The following OPCML variants were observed in gnomAD, a reference collection of about 807,000 sequenced individuals.
OPCML encodes opioid binding protein/cell adhesion molecule like, also known as opioid-binding protein/cell adhesion molecule.
OPCML carries 13 observed loss-of-function variants against 37.8 expected under a neutral mutation model. That is an observed-to-expected ratio of 0.34 (90% confidence interval 0.22 to 0.55). The LOEUF (loss-of-function observed/expected upper bound fraction) is 0.55. Ranked by LOEUF, OPCML falls within the 20% of genes least tolerant of loss-of-function variation. The pLI is 0.91. For synonymous variants in OPCML, 176 were observed against 168.8 expected, an observed-to-expected ratio of 1.04 and a Z score of -0.33; for missense variants, 341 against 435.6, an observed-to-expected ratio of 0.78 and a Z score of 1.93.
chr11:132,961,112 T>C (rs1013104513), intron 1 of OPCML, among the ~76,000 whole-genome samples: 4 of 152,142 alleles, frequency 2.6e-5, no homozygotes, highest in Non-Finnish European at 4.4e-5. Context: ...CTCATCGTAA[T>C]TAACGGAAAA....
rs549461060 is a variant in OPCML, at chr11:133,033,528, T to C, written c.62-90518A>G. Among the ~76,000 whole-genome samples the C allele has an allele frequency of 2.7e-4, 41 of 152,372 alleles. No homozygotes were observed. The South Asian group carries it at 8.3e-3, about 31-fold the overall frequency. On this transcript the variant is annotated intron_variant, in intron 1 of 7. Coordinates refer to ENST00000524381, the MANE Select transcript of OPCML (RefSeq NM_001012393.5). ...GTAGCTATTAGAAGAAAATTGTATATAAATAGCTTCTCATTTGCAACTTCC... is the reference window on the plus strand; with the variant it reads ...GTAGCTATTAGAAGAAAATTGTATACAAATAGCTTCTCATTTGCAACTTCC...
At chr11:132,621,799 C>G (rs1057295909) in intron 3 of OPCML, among the ~76,000 whole-genome samples, 2 of 152,016 alleles carry the variant, frequency 1.3e-5, no homozygotes, top group Admixed American at 6.6e-5. Flanking sequence ...CCAAACTGCT[C>G]TCTTCCTGAG....
At chr11:132,720,018 G>A (rs1352092536) in intron 2 of OPCML, among the ~76,000 whole-genome samples, 1 of 152,228 alleles carries the variant, frequency 6.6e-6, no homozygotes, top group African/African-American at 2.4e-5. Flanking sequence ...CAGAGAGAAG[G>A]CATAATCATG....
intron 4 of OPCML, among the ~76,000 whole-genome samples, chr11:132,477,311 C>A (rs1398764914): frequency 6.6e-6 from 1 of 152,190 alleles, no homozygotes; most frequent in Admixed American, 6.5e-5. Context: ...TCCAGAAGTA[C>A]ACAGGGATTA....
At chr11:133,025,567 ATTTCT>A (rs1298748571) in intron 1 of OPCML, 3 of 609,046 alleles carry the variant, frequency 4.9e-6, no homozygotes, top group African/African-American at 2.0e-5. Context: ...TCGTTTGGGT[ATTTCT>A]TTTCTTATTA....
chr11:132,970,958 T>C (rs1048445357), intron 1 of OPCML, among the ~76,000 whole-genome samples: 2 of 152,220 alleles, frequency 1.3e-5, no homozygotes, highest in African/African-American at 2.4e-5. Context: ...GTGCATTGTT[T>C]TCCTGGTGTT....
chr11:132,618,108 GT>G (rs1414059944), intron 3 of OPCML, among the ~76,000 whole-genome samples: 8 of 152,198 alleles, frequency 5.3e-5, no homozygotes. Context: ...AGGAATAAAA[GT>G]TGATGGAAGT....
At chr11:132,579,106 G>C (rs142766182) in intron 3 of OPCML, among the ~76,000 whole-genome samples, 12 of 152,100 alleles carry the variant, frequency 7.9e-5, no homozygotes, top group Admixed American at 5.9e-4. Flanking sequence ...TGATCAACTG[G>C]GGGGAGGCCT....
chr11:132,781,455 G>T (rs1459791911), intron 2 of OPCML, among the ~76,000 whole-genome samples: 1 of 151,996 alleles, frequency 6.6e-6, no homozygotes, highest in Non-Finnish European at 1.5e-5. Context: ...CTTCAGACTG[G>T]AATCTAAACC....
At chr11:132,833,902 G>A (rs979711684) in intron 2 of OPCML, among the ~76,000 whole-genome samples, 4 of 152,174 alleles carry the variant, frequency 2.6e-5, no homozygotes, top group Admixed American at 1.3e-4. Context: ...AGTTTAATCA[G>A]AAAGAGAAAT....
At chr11:133,114,872 G>T (rs971140378) in intron 1 of OPCML, among the ~76,000 whole-genome samples, 1 of 152,094 alleles carries the variant, frequency 6.6e-6, no homozygotes, top group African/African-American at 2.4e-5. Flanking sequence ...TACCGAGAAA[G>T]AATATTTTAG....
intron 1 of OPCML, chr11:133,003,718 T>C: frequency 1.0e-6 from 1 of 985,412 alleles, no homozygotes; most frequent in Non-Finnish European, 1.2e-6. Context: ...AAGTCCCTAC[T>C]TCTTGAATAT....
chr11:132,688,903 T>C (rs1459205337), intron 2 of OPCML, among the ~76,000 whole-genome samples: 1 of 31,098 alleles, frequency 3.2e-5, no homozygotes. Context: ...TGAGCCGAGA[T>C]TGCGCCACTG....
intron 1 of OPCML, among the ~76,000 whole-genome samples, chr11:133,353,382 A>G (rs2136696998): frequency 6.6e-6 from 1 of 151,572 alleles, no homozygotes; most frequent in Admixed American, 6.6e-5. Flanking sequence ...CTGGTCTTAA[A>G]CTCCTGACCT....
chr11:132,958,770 G>A (rs1320796018), intron 1 of OPCML, among the ~76,000 whole-genome samples: 3 of 152,140 alleles, frequency 2.0e-5, no homozygotes, highest in African/African-American at 7.2e-5. Context: ...TTACAGCAGG[G>A]TTTACTGAAT....
At chr11:132,679,709 A>G (rs975317515) in intron 2 of OPCML, among the ~76,000 whole-genome samples, 29 of 152,226 alleles carry the variant, frequency 1.9e-4, no homozygotes, top group African/African-American at 6.8e-4. Flanking sequence ...TATACGAAAA[A>G]CAAACAAGGT....
chr11:132,826,204 C>T (rs1278382883), intron 2 of OPCML, among the ~76,000 whole-genome samples: 1 of 152,190 alleles, frequency 6.6e-6, no homozygotes, highest in African/African-American at 2.4e-5. Context: ...GCTTGTCTGT[C>T]ACACAGTTAG....
chr11:133,350,511 G>A (rs1259110321), intron 1 of OPCML, among the ~76,000 whole-genome samples: 3 of 152,158 alleles, frequency 2.0e-5, no homozygotes, highest in Non-Finnish European at 4.4e-5. Flanking sequence ...AGATCCCAAT[G>A]TGAAGACAGA....
chr11:133,027,758 C>T (rs199882547), intron 1 of OPCML, among the ~76,000 whole-genome samples: 4 of 284 alleles, frequency 0.014, no homozygotes, highest in Admixed American at 0.038. Flanking sequence ...ATGTGTTTGA[C>T]GTGTGGTGTG....
Sources: allele counts gnomAD v4.1 joint callset (sites outside exome capture counted in the v4.1 genomes callset), GRCh38; gene constraint gnomAD v4.1.1; transcripts MANE v1.5; gene names NCBI Gene and HGNC (gene_info 2026-07-23, HGNC 2026-07-21).